Variants in RBFOX1 observed in about 807,000 individuals in gnomAD.
RBFOX1 encodes RNA binding protein fox-1 homolog 1.
In RBFOX1, 8 loss-of-function variants were observed where a neutral mutation model predicts 57.7. The ratio of observed to expected loss-of-function variants is 0.14; its 90% CI spans 0.08 to 0.25. The LOEUF (loss-of-function observed/expected upper bound fraction) is 0.25, where lower values mean the gene tolerates loss of function less well. Among genes scored for constraint, RBFOX1 ranks in the 10% least tolerant of loss-of-function variants. The probability of loss-of-function intolerance (pLI) is 1.00; values close to 1 mark genes in which losing one functional copy is unlikely to be tolerated. For synonymous variants in RBFOX1, 326 were observed against 222.4 expected (o/e 1.47, Z -4.15); for missense variants, 611 against 548.5 (o/e 1.11, Z -1.14).
intron 5 of RBFOX1, among the ~76,000 whole-genome samples, chr16:7,555,363 A>G (rs2088015139): frequency 6.6e-6 from 1 of 152,170 alleles, no homozygotes; most frequent in Non-Finnish European, 1.5e-5. Context: ...AATTTCAGTA[A>G]AATCCATGGT....
chr16:5,328,518 C>T (rs1415962321), intron 1 of RBFOX1, among the ~76,000 whole-genome samples: 2 of 152,248 alleles, frequency 1.3e-5, no homozygotes, highest in Admixed American at 6.5e-5. Flanking sequence ...AATAACTCAG[C>T]CTCGATGACA....
At chr16:6,464,798 C>T (rs2095003952) in intron 2 of RBFOX1, among the ~76,000 whole-genome samples, 1 of 152,212 alleles carries the variant, frequency 6.6e-6, no homozygotes, top group Admixed American at 6.5e-5. Context: ...GAATGTATTT[C>T]ACCTTTTCTC....
intron 4 of RBFOX1, among the ~76,000 whole-genome samples, chr16:7,369,776 G>A (rs965709660): frequency 9.2e-5 from 14 of 152,120 alleles, no homozygotes; most frequent in African/African-American, 3.4e-4. Flanking sequence ...TGAAAAATAA[G>A]TAAATAATAA....
chr16:7,324,305 A>C (rs2096583042), intron 4 of RBFOX1, among the ~76,000 whole-genome samples: 1 of 152,296 alleles, frequency 6.6e-6, no homozygotes, highest in East Asian at 1.9e-4. Context: ...TTAGTACAAA[A>C]ATCCTCATTT....
chr16:6,272,586 A>G (rs1000642900), intron 1 of RBFOX1, among the ~76,000 whole-genome samples: 1 of 152,208 alleles, frequency 6.6e-6, no homozygotes, highest in Non-Finnish European at 1.5e-5. Context: ...AGACAACACT[A>G]TTCTAAAATA....
chr16:7,171,573 A>C (rs570008209), intron 4 of RBFOX1, among the ~76,000 whole-genome samples: 9 of 152,194 alleles, frequency 5.9e-5, no homozygotes, highest in Non-Finnish European at 1.2e-4. Context: ...CAGTGTTTAG[A>C]ATGTAATTTT....
At chr16:6,524,978 G>A (rs923504746) in intron 2 of RBFOX1, among the ~76,000 whole-genome samples, 14 of 152,198 alleles carry the variant, frequency 9.2e-5, no homozygotes, top group Admixed American at 2.0e-4. Flanking sequence ...GGTCACTTCT[G>A]AGTATCTGGG....
At chr16:6,688,629 T>G (rs2059782898) in intron 3 of RBFOX1, among the ~76,000 whole-genome samples, 2 of 152,258 alleles carry the variant, frequency 1.3e-5, no homozygotes, top group South Asian at 4.1e-4. Context: ...GACCTGCAGA[T>G]TGGTATTCTT....
At chr16:7,235,082 G>A (rs2093701653) in intron 4 of RBFOX1, among the ~76,000 whole-genome samples, 1 of 152,112 alleles carries the variant, frequency 6.6e-6, no homozygotes, top group Admixed American at 6.6e-5. Flanking sequence ...GTGGAAGGAA[G>A]AATGTAAAAC....
At chr16:7,295,365 A>G (rs922326039) in intron 4 of RBFOX1, among the ~76,000 whole-genome samples, 2 of 152,158 alleles carry the variant, frequency 1.3e-5, no homozygotes, top group South Asian at 2.1e-4. Context: ...TTTTGCAAAG[A>G]AGGAGGAATG....
intron 2 of RBFOX1, among the ~76,000 whole-genome samples, chr16:6,571,489 G>A (rs1002963792): frequency 4.6e-5 from 7 of 152,138 alleles, no homozygotes; most frequent in Admixed American, 2.0e-4. Context: ...TTCCTGATTT[G>A]AGTTTTTCTA....
intron 3 of RBFOX1, among the ~76,000 whole-genome samples, chr16:5,618,036 A>G (rs950395727): frequency 4.6e-5 from 7 of 152,216 alleles, no homozygotes; most frequent in Admixed American, 2.0e-4. Context: ...AAATTATACA[A>G]ATCTGGAGTA....
chr16:6,578,543 A>T (rs1303378298), intron 2 of RBFOX1, among the ~76,000 whole-genome samples: 1 of 142,532 alleles, frequency 7.0e-6, no homozygotes, highest in East Asian at 2.1e-4. Flanking sequence ...ATTCTGTCCT[A>T]AACTCCAAAC....
chr16:6,124,209 A>T (rs1181206730), intron 1 of RBFOX1, among the ~76,000 whole-genome samples: 20 of 152,086 alleles, frequency 1.3e-4, no homozygotes, highest in Non-Finnish European at 2.5e-4. Context: ...TTTATGTTGG[A>T]TGGTTTGTCC....
chr16:6,987,159 G>C (rs1002038702), intron 3 of RBFOX1, among the ~76,000 whole-genome samples: 2 of 152,074 alleles, frequency 1.3e-5, no homozygotes, highest in African/African-American at 4.8e-5. Context: ...TCAGAGAGCA[G>C]CATTTTGATA....
chr16:7,325,823 T>C (rs1251077094), intron 4 of RBFOX1, among the ~76,000 whole-genome samples: 1 of 152,224 alleles, frequency 6.6e-6, no homozygotes, highest in Non-Finnish European at 1.5e-5. Context: ...TAGTCCTTGG[T>C]ATTCTAAATA....
At position 7,417,528 on chromosome 16, in the gene RBFOX1, T is replaced by TTGTGTGTGTGTGTG. The variant is rs545621108; in HGVS notation, c.28-100599_28-100586dup. Among the ~76,000 whole-genome samples, 587 of 68,414 alleles carry TTGTGTGTGTGTGTG rather than the reference T, an allele frequency of 8.6e-3. 3 individuals carry two copies. The highest frequency in any genetic ancestry group is 0.025 in the African/African-American group (561 of 22,040). 44.9% of individuals were successfully genotyped at this position (68,414 alleles called of 152,430 possible). On this transcript the variant is annotated intron_variant, in intron 4 of 15. Transcript: ENST00000550418. ...CGGATTTCACCAGCTTCACATGGTA[T>TTGTGTGTGTGTGTG]TGTGTGTGTGTGTGTGTGTGTGTGT...
At chr16:7,539,284 T>G (rs1430997252) in intron 5 of RBFOX1, among the ~76,000 whole-genome samples, 1 of 152,120 alleles carries the variant, frequency 6.6e-6, no homozygotes, top group African/African-American at 2.4e-5. Context: ...TCGGTTAAGC[T>G]GTGTTCTGAA....
At chr16:6,877,567 C>A (rs1205096450) in intron 3 of RBFOX1, among the ~76,000 whole-genome samples, 1 of 152,014 alleles carries the variant, frequency 6.6e-6, no homozygotes, top group Non-Finnish European at 1.5e-5. Context: ...AATTCACAGC[C>A]CCAGAGTCTT....
Sources: allele counts gnomAD v4.1 joint callset (sites outside exome capture counted in the v4.1 genomes callset), GRCh38; gene constraint gnomAD v4.1.1; transcripts MANE v1.5; gene names NCBI Gene and HGNC (gene_info 2026-07-23, HGNC 2026-07-21).